DCC: variants seen among roughly 807,000 people sequenced by gnomAD.
DCC encodes the protein netrin receptor DCC.
In DCC, 58 loss-of-function variants were observed where a neutral mutation model predicts 172.5. The ratio of observed to expected loss-of-function variants is 0.34; its 90% CI spans 0.27 to 0.42. The LOEUF (loss-of-function observed/expected upper bound fraction) is 0.42. DCC is among the 10% of genes least tolerant of loss of function. The pLI, the probability that DCC is intolerant of heterozygous loss-of-function variation, is 1.00. For synonymous variants in DCC, 709 were observed against 644.5 expected, an observed-to-expected ratio of 1.10 and a Z score of -1.52; for missense variants, 1,740 against 1,791.0, an observed-to-expected ratio of 0.97 and a Z score of 0.51.
At chr18:52,985,378 C>G (rs2041275865) in intron 5 of DCC, among the ~76,000 whole-genome samples, 1 of 152,152 alleles carries the variant, frequency 6.6e-6, no homozygotes, top group South Asian at 2.1e-4. Context: ...TCCCTCAGAA[C>G]TCTGAAGACA....
intron 5 of DCC, among the ~76,000 whole-genome samples, chr18:53,061,654 G>A (rs1030342252): frequency 6.6e-6 from 1 of 152,024 alleles, no homozygotes; most frequent in Non-Finnish European, 1.5e-5. Flanking sequence ...AGTTTCAAGT[G>A]GCAAAAGAGA....
intron 8 of DCC, among the ~76,000 whole-genome samples, chr18:53,174,529 C>T (rs997615435): frequency 6.7e-6 from 1 of 150,032 alleles, no homozygotes; most frequent in Admixed American, 6.7e-5. Flanking sequence ...AAACTACCAT[C>T]AGAGAATACT....
At chr18:53,526,526 T>C (rs2270952) in intron 27 of DCC, 91 bp from the exon 28 acceptor site, 1 of 1,347,188 alleles carries the variant, frequency 7.4e-7, no homozygotes, top group Non-Finnish European at 1.1e-6. Context: ...CTAAAATCAA[T>C]GCCAATCTCC....
chr18:52,583,269 A>C (rs2033595056), intron 1 of DCC, among the ~76,000 whole-genome samples: 1 of 152,196 alleles, frequency 6.6e-6, no homozygotes, highest in Non-Finnish European at 1.5e-5. Context: ...CAATAAAAAC[A>C]CTGGAGAGAA....
intron 7 of DCC, among the ~76,000 whole-genome samples, chr18:53,078,511 C>A (rs762971493): frequency 2.6e-5 from 4 of 151,944 alleles, no homozygotes; most frequent in African/African-American, 9.7e-5. Context: ...CACAGAATGA[C>A]AAAGCTTCTA....
chr18:52,811,318 G>A (rs1431735), intron 2 of DCC, among the ~76,000 whole-genome samples: 13,059 of 152,108 alleles, frequency 0.086, 664 homozygotes, highest in South Asian at 0.19. Context: ...ACCAGCTCAG[G>A]TGTTGTTATG....
At chr18:53,300,611 G>A (rs1411967605) in intron 12 of DCC, among the ~76,000 whole-genome samples, 2 of 152,042 alleles carry the variant, frequency 1.3e-5, no homozygotes, top group African/African-American at 4.8e-5. Flanking sequence ...AACAAGGTTG[G>A]GTACCCATCA....
At chr18:53,347,563 G>A (rs572235557) in intron 15 of DCC, among the ~76,000 whole-genome samples, 30 of 152,188 alleles carry the variant, frequency 2.0e-4, no homozygotes, top group African/African-American at 4.6e-4. Context: ...TGGCACTATC[G>A]CACTTATTTA....
intron 1 of DCC, among the ~76,000 whole-genome samples, chr18:52,559,138 G>A (rs904854458): frequency 6.6e-6 from 1 of 152,158 alleles, no homozygotes; most frequent in South Asian, 2.1e-4. Context: ...TTGAGACTGA[G>A]TCTCGCTCTG....
chr18:53,135,118 T>C (rs115970222), intron 7 of DCC, among the ~76,000 whole-genome samples: 90 of 152,258 alleles, frequency 5.9e-4, no homozygotes, highest in African/African-American at 2.1e-3. Context: ...AGTCTCACTA[T>C]TTGCCAGACA....
At chr18:52,836,637 T>A (rs2038710401) in intron 2 of DCC, among the ~76,000 whole-genome samples, 4 of 152,192 alleles carry the variant, frequency 2.6e-5, no homozygotes, top group Admixed American at 2.6e-4. Flanking sequence ...ATGCAAGAGG[T>A]GGGCTTCCAT....
chr18:52,638,805 A>C (rs1240811768), intron 1 of DCC, among the ~76,000 whole-genome samples: 1 of 152,194 alleles, frequency 6.6e-6, no homozygotes, highest in Non-Finnish European at 1.5e-5. Flanking sequence ...CATCAAGACA[A>C]AAAGTGAACA....
At chr18:52,739,681 C>T (rs149564698) in intron 1 of DCC, among the ~76,000 whole-genome samples, 431 of 152,306 alleles carry the variant, frequency 2.8e-3, no homozygotes, top group Middle Eastern at 0.01. Flanking sequence ...TAAAATGTAT[C>T]ACTAGCTCTA....
chr18:53,052,599 C>T (rs545333194), intron 5 of DCC, among the ~76,000 whole-genome samples: 1 of 152,170 alleles, frequency 6.6e-6, no homozygotes, highest in African/African-American at 2.4e-5. Flanking sequence ...CTGGATGTTT[C>T]ACGTTTTGTG....
chr18:52,473,882 C>T lies in DCC; in HGVS notation c.91+133004C>T, dbSNP rs552819769. Reference sequence around the variant, plus strand: ...GACTCAATCCCTCCTATCAGTGACTCTTGAAATGGTGATAATGGAAACTCC... The same window carrying T: ...GACTCAATCCCTCCTATCAGTGACTTTTGAAATGGTGATAATGGAAACTCC... On this transcript the variant is annotated intron_variant, in intron 1 of 28. Coordinates refer to ENST00000442544, the MANE Select transcript of DCC (RefSeq NM_005215.4). 2.6e-5 allele frequency among the ~76,000 whole-genome samples: 4 copies of T among 152,164 alleles called. No homozygotes were observed. In the South Asian group the frequency reaches 8.3e-4, roughly 32 times the overall value.
intron 5 of DCC, among the ~76,000 whole-genome samples, chr18:52,945,208 A>G (rs2040524089): frequency 6.6e-6 from 1 of 152,204 alleles, no homozygotes; most frequent in Non-Finnish European, 1.5e-5. Flanking sequence ...TCCTTTAAAA[A>G]TATGAACTTA....
At chr18:53,418,031 C>T (rs568944549) in intron 21 of DCC, among the ~76,000 whole-genome samples, 1 of 152,118 alleles carries the variant, frequency 6.6e-6, no homozygotes, top group Non-Finnish European at 1.5e-5. Context: ...GAATTACTGC[C>T]AGTGGCTGAG....
At chr18:53,222,383 CTTTT>C (rs67373546) in intron 12 of DCC, among the ~76,000 whole-genome samples, 1 of 104,208 alleles carries the variant, frequency 9.6e-6, no homozygotes, top group Non-Finnish European at 1.8e-5. Context: ...TTTCTTTTTT[CTTTT>C]TTTTTTTTTT....
At chr18:53,206,613 A>G (rs2055651426) in intron 10 of DCC, among the ~76,000 whole-genome samples, 1 of 92,880 alleles carries the variant, frequency 1.1e-5, no homozygotes, top group Admixed American at 1.0e-4. Context: ...ATATCTATGT[A>G]TAATATATAA....
Sources: gnomAD v4.1 joint callset for allele counts (sites outside exome capture counted in the v4.1 genomes callset) on GRCh38, gnomAD v4.1.1 for gene constraint, MANE v1.5 for transcripts, NCBI Gene and HGNC (gene_info 2026-07-23, HGNC 2026-07-21) for gene names.